Variants in PARD3 observed in about 807,000 individuals in gnomAD.
PARD3 encodes par-3 family cell polarity regulator, also known as partitioning defective 3 homolog.
A neutral mutation model predicts 155.4 loss-of-function variants in PARD3; 75 were observed. The ratio of observed to expected loss-of-function variants is 0.48; its 90% CI spans 0.40 to 0.58. PARD3 has a LOEUF of 0.58. PARD3 is among the 20% of genes least tolerant of loss of function. PARD3 has a pLI of 0.00. For missense variants in PARD3, 1,642 were observed against 1,721.7 expected (o/e 0.95, Z 0.82); for synonymous variants, 576 against 610.5 (o/e 0.94, Z 0.83).
chr10:34,235,598 A>T (rs973106795), intron 22 of PARD3, among the ~76,000 whole-genome samples: 2 of 152,156 alleles, frequency 1.3e-5, no homozygotes, highest in African/African-American at 2.4e-5. Flanking sequence ...ACTGACGTTT[A>T]GTTACTGAGT....
chr10:34,546,781 C>T (rs1475946503), intron 2 of PARD3, among the ~76,000 whole-genome samples: 1 of 152,252 alleles, frequency 6.6e-6, no homozygotes, highest in Admixed American at 6.5e-5. Flanking sequence ...ACTGGCTTTC[C>T]TATTATTTCA....
chr10:34,434,784 C>T (rs7088286), intron 5 of PARD3, among the ~76,000 whole-genome samples: 8,995 of 152,202 alleles, frequency 0.059, 903 homozygotes, highest in African/African-American at 0.2. Flanking sequence ...GTAAAGAACA[C>T]TCTAAATATC....
chr10:34,667,258 A>G (rs2093510422), intron 2 of PARD3, among the ~76,000 whole-genome samples: 1 of 152,210 alleles, frequency 6.6e-6, no homozygotes, highest in South Asian at 2.1e-4. Context: ...TCTGCAGCAA[A>G]TCTAGATAGC....
At chr10:34,300,675 T>C (rs1322761281) in intron 20 of PARD3, among the ~76,000 whole-genome samples, 1 of 151,854 alleles carries the variant, frequency 6.6e-6, no homozygotes, top group African/African-American at 2.4e-5. Context: ...TTTTAAAGCT[T>C]GGACTTTGAC....
At chr10:34,502,420 C>A (rs564972342) in intron 3 of PARD3, among the ~76,000 whole-genome samples, 2 of 152,270 alleles carry the variant, frequency 1.3e-5, no homozygotes, top group African/African-American at 4.8e-5. Flanking sequence ...CACCTAGAGC[C>A]TCCCGCAGGA....
chr10:34,475,004 T>A (rs1358951516), intron 3 of PARD3, among the ~76,000 whole-genome samples: 1 of 152,162 alleles, frequency 6.6e-6, no homozygotes, highest in Non-Finnish European at 1.5e-5. Context: ...AAGTACTACA[T>A]ATAAAATAGG....
chr10:34,119,832 CTT>C (rs1192188692), intron 23 of PARD3, 92 bp from the exon 24 acceptor site: 5 of 1,197,844 alleles, frequency 4.2e-6, no homozygotes, highest in Non-Finnish European at 5.6e-6. Context: ...TATGAATTGA[CTT>C]TGAAAATTTT....
intron 1 of PARD3, among the ~76,000 whole-genome samples, chr10:34,762,567 C>T (rs2134027687): frequency 6.6e-6 from 1 of 151,536 alleles, no homozygotes; most frequent in South Asian, 2.1e-4. Context: ...CCTCAGCCTC[C>T]CAAAGTGCTA....
In PARD3 at chr10:34,750,228, T is replaced by C. The variant is rs151019270; in HGVS notation, c.121-53809A>G. On this transcript the variant is annotated intron_variant, in intron 1 of 24. Transcript: ENST00000374788. ...AAAAAACGATATGGAAGTACCTTTT[T>C]AGAATTAAAACCAGTTTGGGATTGA... 2.2e-3 allele frequency among the ~76,000 whole-genome samples: 335 copies of C among 152,200 alleles called. 2 individuals are homozygous for C. The highest frequency in any genetic ancestry group is 7.8e-3 in the African/African-American group (322 of 41,522).
At chr10:34,243,112 T>G (rs1953713577) in intron 22 of PARD3, among the ~76,000 whole-genome samples, 2 of 152,216 alleles carry the variant, frequency 1.3e-5, no homozygotes, top group Non-Finnish European at 2.9e-5. Flanking sequence ...AATTACCTAG[T>G]GAGAAAACAA....
At chr10:34,467,492 T>TA (rs2078083418) in intron 4 of PARD3, among the ~76,000 whole-genome samples, 1 of 152,026 alleles carries the variant, frequency 6.6e-6, no homozygotes, top group Non-Finnish European at 1.5e-5. Context: ...CTCATGTCTG[T>TA]AATTCCAGCC....
intron 5 of PARD3, among the ~76,000 whole-genome samples, chr10:34,418,653 A>T (rs1003835443): frequency 7.9e-5 from 12 of 152,208 alleles, no homozygotes; most frequent in African/African-American, 2.9e-4. Context: ...TGTTTAACTC[A>T]CTAGTCTTTA....
chr10:34,333,417 T>TA (rs1445566438), intron 18 of PARD3, among the ~76,000 whole-genome samples: 2 of 152,112 alleles, frequency 1.3e-5, no homozygotes, highest in Admixed American at 1.3e-4. Context: ...GATAATTTTG[T>TA]AAGTGCAATT....
intron 2 of PARD3, among the ~76,000 whole-genome samples, chr10:34,651,460 A>G (rs2093012316): frequency 6.6e-6 from 1 of 152,218 alleles, no homozygotes; most frequent in Non-Finnish European, 1.5e-5. Flanking sequence ...CCTGCCCACC[A>G]GCCAGACGTG....
At chr10:34,433,301 C>T (rs1215062188) in intron 5 of PARD3, among the ~76,000 whole-genome samples, 1 of 152,106 alleles carries the variant, frequency 6.6e-6, no homozygotes, top group Non-Finnish European at 1.5e-5. Context: ...CAAGTCACTG[C>T]CTAAGTCATG....
intron 22 of PARD3, among the ~76,000 whole-genome samples, chr10:34,256,047 A>G (rs1954637171): frequency 6.6e-6 from 1 of 152,272 alleles, no homozygotes; most frequent in Non-Finnish European, 1.5e-5. Context: ...AACCTATAAT[A>G]GAGTTTAAAA....
chr10:34,537,359 G>A (rs908802541), intron 2 of PARD3, among the ~76,000 whole-genome samples: 1 of 152,118 alleles, frequency 6.6e-6, no homozygotes, highest in Non-Finnish European at 1.5e-5. Context: ...GTTATATTCT[G>A]GGTAAAGAAA....
At chr10:34,718,887 C>T (rs925134406) in intron 1 of PARD3, among the ~76,000 whole-genome samples, 2 of 151,794 alleles carry the variant, frequency 1.3e-5, no homozygotes, top group African/African-American at 4.8e-5. Context: ...TGTTTGAACC[C>T]GGAAGGAGCA....
intron 2 of PARD3, among the ~76,000 whole-genome samples, chr10:34,622,682 T>G (rs1273431198): frequency 6.6e-6 from 1 of 152,206 alleles, no homozygotes; most frequent in Non-Finnish European, 1.5e-5. Context: ...GCCAGTCATT[T>G]TCAGTTTCTT....
Sources: gnomAD v4.1 joint callset for allele counts (sites outside exome capture counted in the v4.1 genomes callset) on GRCh38, gnomAD v4.1.1 for gene constraint, MANE v1.5 for transcripts, NCBI Gene and HGNC (gene_info 2026-07-23, HGNC 2026-07-21) for gene names.